Variants in TDRD7 observed in about 807,000 individuals in gnomAD.
TDRD7 encodes the protein tudor domain containing 7.
In TDRD7, 47 loss-of-function variants were observed where a neutral mutation model predicts 109.8. The ratio of observed to expected loss-of-function variants is 0.43; its 90% CI spans 0.34 to 0.55. TDRD7 has a LOEUF of 0.55. Among genes scored for constraint, TDRD7 ranks in the 20% least tolerant of loss-of-function variants. The pLI, the probability that TDRD7 is intolerant of heterozygous loss-of-function variation, is 0.03. For missense variants in TDRD7, 1,164 were observed against 1,319.2 expected, an observed-to-expected ratio of 0.88 and a Z score of 1.82; for synonymous variants, 424 against 457.3, an observed-to-expected ratio of 0.93 and a Z score of 0.93.
At chr9:97,428,714 C>T in intron 2 of TDRD7, 42 bp downstream of exon 2, 1 of 1,578,004 alleles carries the variant, frequency 6.3e-7, no homozygotes, top group African/African-American at 1.3e-5. Flanking sequence ...CAAACCAATT[C>T]ATAATTGCCT....
chr9:97,426,449 G>A (rs1355807365), intron 1 of TDRD7, among the ~76,000 whole-genome samples: 5 of 151,980 alleles, frequency 3.3e-5, no homozygotes, highest in South Asian at 2.1e-4. Context: ...ATGGGGTTTC[G>A]CCATGTTGCC....
chr9:97,475,377 T>C lies in TDRD7; in HGVS notation c.2080-6T>C, dbSNP rs770877758. ...AATAAGAGTATCATGCATTTCTGTT[T>C]TGCAGCACATGACCTCTGAGTGCTT... is the stretch of plus-strand genomic sequence containing the variant. On this transcript the variant is annotated splice_region_variant and splice_polypyrimidine_tract_variant and intron_variant, in intron 11 of 16. Transcript: ENST00000355295. The C allele has an allele frequency of 6.2e-6, 10 of 1,609,912 alleles. No individual in the cohort carries two copies. Among genetic ancestry groups the C allele is most frequent in the South Asian group, 1.1e-5 (1 of 90,890 alleles).
chr9:97,417,432 A>C (rs746265494), intron 1 of TDRD7, among the ~76,000 whole-genome samples: 24 of 152,194 alleles, frequency 1.6e-4, no homozygotes, highest in Non-Finnish European at 2.9e-4. Context: ...AAGCAGAGAG[A>C]CCAGCTAAGA....
chr9:97,466,565 A>T (rs932331498), intron 8 of TDRD7, among the ~76,000 whole-genome samples: 12 of 152,244 alleles, frequency 7.9e-5, no homozygotes, highest in African/African-American at 2.9e-4. Context: ...CAGGTGGATC[A>T]TAAAAACAAA....
chr9:97,414,598 G>C (rs980023038), intron 1 of TDRD7, among the ~76,000 whole-genome samples: 2 of 152,060 alleles, frequency 1.3e-5, no homozygotes, highest in Non-Finnish European at 2.9e-5. Context: ...GGGTTTTTTC[G>C]TCTAGTATGT....
intron 12 of TDRD7, 104 bp downstream of exon 12, chr9:97,475,573 C>T: frequency 1.2e-6 from 1 of 838,026 alleles, no homozygotes; most frequent in Non-Finnish European, 2.0e-6. Context: ...ACAGACTCAT[C>T]ATCAGTTTAT....
chr9:97,477,984 C>T (rs867699900), intron 12 of TDRD7, among the ~76,000 whole-genome samples: 2 of 152,076 alleles, frequency 1.3e-5, no homozygotes, highest in Non-Finnish European at 2.9e-5. Context: ...GTAGGCTGGG[C>T]GCGGTGGCTC....
At chr9:97,437,166 A>C (rs539025309) in intron 4 of TDRD7, among the ~76,000 whole-genome samples, 1 of 152,106 alleles carries the variant, frequency 6.6e-6, no homozygotes, top group African/African-American at 2.4e-5. Context: ...TTCTTACCTC[A>C]TAGTTTCTGT....
chr9:97,460,864 G>A (rs935529346), intron 7 of TDRD7, 100 bp downstream of exon 7: 33 of 1,147,228 alleles, frequency 2.9e-5, no homozygotes, highest in African/African-American at 1.4e-4. Flanking sequence ...TAATATGGCC[G>A]GGTGCGGTGG....
chr9:97,421,698 TTGTGTGTG>T (rs59218055), intron 1 of TDRD7, among the ~76,000 whole-genome samples: 4,651 of 142,916 alleles, frequency 0.033, 91 homozygotes, highest in Non-Finnish European at 0.042. Flanking sequence ...TGCCCAGCTT[TTGTGTGTG>T]TGTGTGTGTG....
chr9:97,486,502 G>A (rs1169685065), intron 15 of TDRD7, among the ~76,000 whole-genome samples: 2 of 152,050 alleles, frequency 1.3e-5, no homozygotes, highest in African/African-American at 2.4e-5. Context: ...ATTTTAGGTG[G>A]TGGGTTGAAT....
chr9:97,445,545 A>C (rs750756483), intron 6 of TDRD7, among the ~76,000 whole-genome samples: 7 of 152,214 alleles, frequency 4.6e-5, no homozygotes, highest in Non-Finnish European at 1.0e-4. Context: ...TGGCTGTTAA[A>C]CTAAAACCTG....
In TDRD7 at chr9:97,446,818, C is replaced by A. The variant is rs906380026; in HGVS notation, c.855+4943C>A. On this transcript the variant is annotated intron_variant, in intron 6 of 16. Transcript: ENST00000355295. The stretch of plus-strand genomic sequence containing the variant: ...TAAAATGAATTGCCTTTTTAAAAAG[C>A]CTGGAACTTCTGGGGTAAAACCAAA... Among the ~76,000 whole-genome samples the A allele has an allele frequency of 3.9e-5, 6 of 152,020 alleles. No homozygotes were observed. In the East Asian group the frequency reaches 1.2e-3, roughly 29 times the overall value.
intron 8 of TDRD7, among the ~76,000 whole-genome samples, chr9:97,469,759 G>C (rs1231423103): frequency 6.6e-6 from 1 of 151,988 alleles, no homozygotes; most frequent in African/African-American, 2.4e-5. Context: ...TCAAAAAAAG[G>C]CTTTGTGTTT....
chr9:97,478,351 A>G (rs1829058977), intron 12 of TDRD7, 88 bp from the exon 13 acceptor site: 1 of 1,502,182 alleles, frequency 6.7e-7, no homozygotes, highest in Non-Finnish European at 9.2e-7. Context: ...TTTAATATGC[A>G]TTCAGGATTG....
intron 4 of TDRD7, among the ~76,000 whole-genome samples, chr9:97,438,199 G>A (rs1828237233): frequency 7.2e-5 from 11 of 152,090 alleles, no homozygotes; most frequent in Admixed American, 7.2e-4. Flanking sequence ...CTATTACACA[G>A]ATATATTAAT....
intron 4 of TDRD7, among the ~76,000 whole-genome samples, chr9:97,434,733 A>G (rs1213380599): frequency 3.9e-5 from 6 of 152,308 alleles, no homozygotes; most frequent in East Asian, 1.9e-4. Context: ...TATGTTCACT[A>G]TAACTTTATT....
Position 97,441,692 on chromosome 9 carries a change from C to G in TDRD7, c.672C>G (p.Val224=). 3 of 1,612,542 alleles carry G rather than the reference C, an allele frequency of 1.9e-6. No homozygotes were observed. The highest frequency in any genetic ancestry group is 2.5e-6 in the Non-Finnish European group (3 of 1,179,692). ...ATCAGACTGTTGAAAAACCCAATGT[C>G]AAGCCTCCTGCCTCTTACACTTATA... ...NLNQTVEKPN[V]KPPASYTYKM... is the part of the protein sequence containing the mutation. The change falls in exon 6 of 17, where the codon GTC becomes GTG. Residue 224 remains valine (V), a synonymous_variant. Transcript: ENST00000355295.
At chr9:97,452,063 A>G (rs1423971435) in intron 6 of TDRD7, among the ~76,000 whole-genome samples, 3 of 152,202 alleles carry the variant, frequency 2.0e-5, no homozygotes, top group African/African-American at 7.2e-5. Flanking sequence ...AAAACCCCTC[A>G]GCTGGCCTGG....
Sources: gnomAD v4.1 joint callset for allele counts (sites outside exome capture counted in the v4.1 genomes callset) on GRCh38, gnomAD v4.1.1 for gene constraint, MANE v1.5 for transcripts, NCBI Gene and HGNC (gene_info 2026-07-23, HGNC 2026-07-21) for gene names.